WASF3: variants seen among roughly 807,000 people sequenced by gnomAD.
WASF3 encodes the protein actin-binding protein WASF3.
A neutral mutation model predicts 46.6 loss-of-function variants in WASF3; 11 were observed. The ratio of observed to expected loss-of-function variants is 0.24; its 90% CI spans 0.15 to 0.39. The LOEUF (loss-of-function observed/expected upper bound fraction) is 0.39. Among genes scored for constraint, WASF3 ranks in the 10% least tolerant of loss-of-function variants. WASF3 has a pLI of 1.00. For missense variants in WASF3, 576 were observed against 669.8 expected, an observed-to-expected ratio of 0.86 and a Z score of 1.55; for synonymous variants, 242 against 259.7, an observed-to-expected ratio of 0.93 and a Z score of 0.65.
chr13:26,630,763 T>A (rs1253849817), intron 2 of WASF3, among the ~76,000 whole-genome samples: 1 of 152,222 alleles, frequency 6.6e-6, no homozygotes, highest in Non-Finnish European at 1.5e-5. Context: ...TGAACTAATT[T>A]ACACTCCCAC....
At chr13:26,586,420 C>T (rs1366400893) in intron 1 of WASF3, among the ~76,000 whole-genome samples, 1 of 152,126 alleles carries the variant, frequency 6.6e-6, no homozygotes, top group African/African-American at 2.4e-5. Flanking sequence ...TTTAAAATGT[C>T]ACATCCATCT....
rs543599108 is a variant in WASF3 at position 26,676,561 on chromosome 13, A to G, written c.553A>G (p.Ile185Val). Residue 185 changes from isoleucine (I) to valine (V), a missense_variant, in exon 7 of 10, where the codon ATA becomes GTA. Coordinates refer to ENST00000335327, the MANE Select transcript of WASF3 (RefSeq NM_006646.6). ...EKRRQKEQKR[I>V]DGTTREVKKV... ...TCCTGGACATCAGGAGCAAAAGCGTATAGATGGCACCACCCGTGAGGTGAA... is the reference window on the plus strand; with the variant it reads ...TCCTGGACATCAGGAGCAAAAGCGTGTAGATGGCACCACCCGTGAGGTGAA... 2.5e-6 allele frequency: 4 copies of G among 1,614,098 alleles called. No homozygotes were observed. Among genetic ancestry groups the G allele is most frequent in the East Asian group, 4.5e-5 (2 of 44,876 alleles).
chr13:26,574,117 A>C (rs1879720798), intron 1 of WASF3, among the ~76,000 whole-genome samples: 1 of 152,062 alleles, frequency 6.6e-6, no homozygotes, highest in South Asian at 2.1e-4. Context: ...TGATATTTCC[A>C]TTTTATGAAC....
intron 3 of WASF3, among the ~76,000 whole-genome samples, chr13:26,663,445 C>T (rs1378135017): frequency 1.3e-5 from 2 of 152,252 alleles, no homozygotes; most frequent in African/African-American, 4.8e-5. Flanking sequence ...AACCATTTTG[C>T]ATATTATGGG....
chr13:26,584,910 C>T (rs1316180994), intron 1 of WASF3, among the ~76,000 whole-genome samples: 2 of 152,166 alleles, frequency 1.3e-5, no homozygotes. Context: ...TGTTGTTACT[C>T]TGCTGATAGT....
Position 26,667,601 on chromosome 13 carries a change from C to T in WASF3, c.353C>T (p.Pro118Leu), listed in dbSNP as rs367882739. 4 of 1,613,832 alleles carry T rather than the reference C, an allele frequency of 2.5e-6. No homozygotes were observed. In the African/African-American group the frequency reaches 4.0e-5, roughly 16 times the overall value. The change falls in exon 5 of 10, where the codon CCT becomes CTT. Residue 118 changes from proline to leucine, a missense_variant. Transcript: ENST00000335327. The stretch of plus-strand genomic sequence containing the variant: ...CAAGTGGTTTCAAAGAACAGCATTC[C>T]TAATCCTGTTGCTGATATTTACAAC... ...DQQVVSKNSI[P>L]NPVADIYNQS...
At chr13:26,649,293 A>C (rs891439583) in intron 3 of WASF3, among the ~76,000 whole-genome samples, 1 of 152,230 alleles carries the variant, frequency 6.6e-6, no homozygotes, top group African/African-American at 2.4e-5. Flanking sequence ...AAAAGGAAAA[A>C]TATGTGACCT....
chr13:26,656,614 TAA>T (rs1292098545), intron 3 of WASF3, among the ~76,000 whole-genome samples: 1 of 149,916 alleles, frequency 6.7e-6, no homozygotes, highest in South Asian at 2.1e-4. Context: ...TACTAAGAAA[TAA>T]AAAAAAGTCT....
intron 1 of WASF3, among the ~76,000 whole-genome samples, chr13:26,602,052 C>T (rs145958096): frequency 2.4e-4 from 36 of 152,298 alleles, no homozygotes; most frequent in African/African-American, 7.0e-4. Context: ...ACTTCATCCT[C>T]CCCTTCACAT....
rs1882635289 is a variant in WASF3, at chr13:26,661,681, CACAGTT to C, written c.134-3346_134-3341del. ...TGTTTAATTTTGGGGGGAACCACCA[CACAGTT>C]TTCCACAGCAGTTGTACCATTGTAC... On this transcript the variant is annotated intron_variant, in intron 3 of 9. Coordinates refer to ENST00000335327, the MANE Select transcript of WASF3 (RefSeq NM_006646.6). Among the ~76,000 whole-genome samples, 5 of 152,326 alleles carry C rather than the reference CACAGTT, an allele frequency of 3.3e-5. No homozygotes were observed. The South Asian group carries it at 1.0e-3, about 32-fold the overall frequency.
At position 26,687,291 on chromosome 13, in the gene WASF3, T is replaced by C. The variant is rs1225431193; in HGVS notation, c.*1446T>C. The C allele has an allele frequency of 1.3e-5, 2 of 152,210 alleles. No homozygotes were observed. The highest frequency in any genetic ancestry group is 2.9e-5 in the Non-Finnish European group (2 of 68,038). 9.4% of individuals were successfully genotyped at this position (152,210 alleles called of 1,614,324 possible). A position where few individuals can be genotyped will look rare whatever the true frequency, so the allele number is the denominator to read the frequency against. ...CAACAGTATTTCATATCCATTGTGG[T>C]TAGTTACTCAGTTATGTTGAGAAGA... is the stretch of plus-strand genomic sequence containing the variant. On this transcript the variant is annotated 3_prime_UTR_variant, in exon 10 of 10. Coordinates refer to ENST00000335327, the MANE Select transcript of WASF3 (RefSeq NM_006646.6).
chr13:26,614,863 C>G (rs1412373892), intron 2 of WASF3, among the ~76,000 whole-genome samples: 1 of 151,858 alleles, frequency 6.6e-6, no homozygotes, highest in East Asian at 1.9e-4. Context: ...TCTTGAAGAA[C>G]TCGGGGCTTC....
intron 1 of WASF3, among the ~76,000 whole-genome samples, chr13:26,569,689 A>T (rs1334904971): frequency 6.6e-6 from 1 of 152,186 alleles, no homozygotes; most frequent in East Asian, 1.9e-4. Context: ...ACCCAGAGGA[A>T]GTAGATAGAC....
chr13:26,608,746 C>T (rs759964186), intron 1 of WASF3, among the ~76,000 whole-genome samples: 2 of 152,122 alleles, frequency 1.3e-5, no homozygotes, highest in Non-Finnish European at 1.5e-5. Context: ...AGGAGAAACA[C>T]AAAGATTGCT....
At chr13:26,660,576 ATGGGGTACTC>A (rs1882601006) in intron 3 of WASF3, among the ~76,000 whole-genome samples, 1 of 151,776 alleles carries the variant, frequency 6.6e-6, no homozygotes, top group African/African-American at 2.4e-5. Flanking sequence ...ACAGAGCAGC[ATGGGGTACTC>A]TGGGGAAGCT....
Position 26,621,267 on chromosome 13 carries a change from ATTTT to A in WASF3, c.-11+8210_-11+8213del, listed in dbSNP as rs532528811. 5.9e-5 allele frequency among the ~76,000 whole-genome samples: 9 copies of A among 152,078 alleles called. No homozygotes were observed. The East Asian group carries it at 1.5e-3, about 26-fold the overall frequency. ...CATCTTGAGGAATGGGGTTTGTTTT[ATTTT>A]CGTTTGTTCAGTTTTTGCATTTCCA... On this transcript the variant is annotated intron_variant, in intron 2 of 9. Coordinates refer to ENST00000335327, the MANE Select transcript of WASF3 (RefSeq NM_006646.6).
At chr13:26,642,475 A>T in intron 3 of WASF3, 72 bp downstream of exon 3, 1 of 1,490,592 alleles carries the variant, frequency 6.7e-7, no homozygotes. Flanking sequence ...TAGTTAAATG[A>T]TTGTCCAAAG....
At chr13:26,575,248 T>C (rs192830558) in intron 1 of WASF3, among the ~76,000 whole-genome samples, 70 of 152,342 alleles carry the variant, frequency 4.6e-4, no homozygotes, top group Non-Finnish European at 8.2e-4. Context: ...TATGGCTTTT[T>C]TTTCTTTCCT....
intron 2 of WASF3, among the ~76,000 whole-genome samples, chr13:26,619,212 G>T (rs1423264182): frequency 1.3e-5 from 2 of 152,176 alleles, no homozygotes. Context: ...GCTTATAAGT[G>T]TCTCATTTTA....
Sources: allele counts gnomAD v4.1 joint callset (sites outside exome capture counted in the v4.1 genomes callset), GRCh38; gene constraint gnomAD v4.1.1; transcripts MANE v1.5; gene names NCBI Gene and HGNC (gene_info 2026-07-23, HGNC 2026-07-21).